EPG5: variants seen among roughly 807,000 people sequenced by gnomAD.
EPG5 encodes the protein ectopic P granules protein 5 homolog.
A neutral mutation model predicts 302.7 loss-of-function variants in EPG5; 159 were observed. The observed-to-expected ratio is 0.53, with a 90% CI of 0.46 to 0.60. The LOEUF is 0.60. EPG5 is among the 20% of genes least tolerant of loss of function. The pLI is 0.00. For synonymous variants in EPG5, 1,158 were observed against 1,136.8 expected, an observed-to-expected ratio of 1.02 and a Z score of -0.37; for missense variants, 2,896 against 3,092.4, an observed-to-expected ratio of 0.94 and a Z score of 1.51.
intron 1 of EPG5, 79 bp downstream of exon 1, chr18:45,967,098 T>C (rs565685403): frequency 1.4e-6 from 2 of 1,418,156 alleles, no homozygotes; most frequent in Non-Finnish European, 1.9e-6. Flanking sequence ...GGGAGTAGAA[T>C]TGGCTGGGGA....
At chr18:45,809,695 T>TC in the EPG5 span, among the ~76,000 whole-genome samples, 590 of 152,184 alleles carry the variant, frequency 3.9e-3, 12 homozygotes, top group South Asian at 0.067. Flanking sequence ...ACACAACCTA[T>TC]CAAAACCTCT....
the EPG5 span, among the ~76,000 whole-genome samples, chr18:45,809,386 C>G: frequency 1.3e-5 from 2 of 152,260 alleles, no homozygotes; most frequent in African/African-American, 4.8e-5. Flanking sequence ...CAGATATATA[C>G]AGAACATTCC....
At chr18:45,855,236 G>A (rs1201028213) in intron 43 of EPG5, 4 of 187,220 alleles carry the variant, frequency 2.1e-5, no homozygotes, top group East Asian at 1.3e-4. Context: ...TCTTCTGTGC[G>A]AGATCCCAGT....
Position 45,879,039 on chromosome 18 carries a change from T to G in EPG5, c.5843A>C (p.Gln1948Pro). 2.5e-6 allele frequency: 4 copies of G among 1,614,186 alleles called. No individual in the cohort carries two copies. Among genetic ancestry groups the G allele is most frequent in the Non-Finnish European group, 3.4e-6 (4 of 1,180,022 alleles). Reference sequence around the variant, plus strand: ...TGTTTTCCTGCTGGCAGTTGGGTCTTGGGCCAAACAGGTCATTTCTAAGTC... The same window carrying G: ...TGTTTTCCTGCTGGCAGTTGGGTCTGGGGCCAAACAGGTCATTTCTAAGTC... ...LIDLEMTCLA[Q>P]DPTASRKTVL... Residue 1948 changes from glutamine to proline, a missense_variant, in exon 33 of 44, where the codon CAA becomes CCA. Gln to Pro is a moderately conservative substitution (Grantham distance 76). Transcript: ENST00000282041.
the EPG5 span, chr18:45,842,329 A>T: frequency 2.6e-6 from 2 of 783,614 alleles, no homozygotes; most frequent in South Asian, 3.4e-5. Flanking sequence ...CAAGGTCAAG[A>T]CCCTGCTCAA....
At position 45,858,745 on chromosome 18, in the gene EPG5, C is replaced by T; in HGVS notation, c.7047G>A (p.Leu2349=). 6.2e-7 allele frequency: 1 copy of T among 1,614,134 alleles called. No individual in the cohort carries two copies. Among genetic ancestry groups the T allele is most frequent in the South Asian group, 1.1e-5 (1 of 91,086 alleles). The change falls in exon 41 of 44, where the codon CTG becomes CTA. Residue 2349 remains leucine, a synonymous_variant. Coordinates refer to ENST00000282041, the MANE Select transcript of EPG5 (RefSeq NM_020964.3). Reference sequence around the variant, plus strand: ...TGAGCTCGGGAACCTGAAGGGATACCAGAATGGGTCCCCATCCTGAATTCT... The same window carrying T: ...TGAGCTCGGGAACCTGAAGGGATACTAGAATGGGTCCCCATCCTGAATTCT... ...LNQNSGWGPI[L]VSLQVPELTM... is the part of the protein sequence containing the mutation.
chr18:45,827,498 T>C, the EPG5 span, among the ~76,000 whole-genome samples: 1 of 152,100 alleles, frequency 6.6e-6, no homozygotes, highest in Non-Finnish European at 1.5e-5. Context: ...AAGTGGTCAA[T>C]GGGAGAGGGG....
Position 45,870,714 on chromosome 18 carries a change from G to A in EPG5, c.6078C>T (p.Ala2026=). ...AATAATGCATCAGGTGCAACCAAAG[G>A]GCTCCTGCATCACCTGGCAACAGCT... ...KDKLLPGDAG[A]LWLHLMHYCE... The change falls in exon 36 of 44, where the codon GCC becomes GCT. Residue 2026 remains alanine, a synonymous_variant. Transcript: ENST00000282041. The A allele has an allele frequency of 6.2e-7, 1 of 1,610,528 alleles. No individual in the cohort carries two copies. Among genetic ancestry groups the A allele is most frequent in the Non-Finnish European group, 8.5e-7 (1 of 1,177,644 alleles).
At position 45,967,244 on chromosome 18, in the gene EPG5, C is replaced by A; in HGVS notation, c.-5G>T. 1 of 1,591,042 alleles carries A rather than the reference C, an allele frequency of 6.3e-7. No homozygotes were observed. Among genetic ancestry groups the A allele is most frequent in the Non-Finnish European group, 8.6e-7 (1 of 1,169,208 alleles). Reference sequence around the variant, plus strand: ...GGGCTTCACCGCCTCGGCCATAGACCCTTCCGCGGCGCCGTCACCGTTTGT... The same window carrying A: ...GGGCTTCACCGCCTCGGCCATAGACACTTCCGCGGCGCCGTCACCGTTTGT... On this transcript the variant is annotated 5_prime_UTR_variant, in exon 1 of 44. Transcript: ENST00000282041.
intron 27 of EPG5, among the ~76,000 whole-genome samples, chr18:45,893,554 A>AT (rs1222406312): frequency 6.6e-6 from 1 of 151,306 alleles, no homozygotes; most frequent in Non-Finnish European, 1.5e-5. Flanking sequence ...CTCTGTCTAA[A>AT]AAAAAAAAAA....
chr18:45,826,837 G>C, the EPG5 span, among the ~76,000 whole-genome samples: 1 of 152,174 alleles, frequency 6.6e-6, no homozygotes, highest in Non-Finnish European at 1.5e-5. Context: ...GCAAACCTCT[G>C]CACAGCTGTC....
intron 27 of EPG5, among the ~76,000 whole-genome samples, chr18:45,895,739 T>C (rs2049456214): frequency 6.6e-6 from 1 of 152,224 alleles, no homozygotes. Context: ...AGGTGGTCAC[T>C]GGACACATCT....
chr18:45,905,301 T>C lies in EPG5; in HGVS notation c.4330-1184A>G, dbSNP rs574625637. ...TGTGGACCGTGATTTTTTTTGGATT[T>C]TAAGTGTTCTAAAGGCCCAAGGATC... On this transcript the variant is annotated intron_variant, in intron 24 of 43. Transcript: ENST00000282041. 2.5e-4 allele frequency among the ~76,000 whole-genome samples: 38 copies of C among 152,286 alleles called. 2 individuals are homozygous for C. The East Asian group carries it at 7.3e-3, about 29-fold the overall frequency.
intron 42 of EPG5, 183 bp downstream of exon 42, chr18:45,857,670 G>C: frequency 1.1e-5 from 6 of 556,768 alleles, no homozygotes; most frequent in Non-Finnish European, 1.9e-5. Flanking sequence ...AAATAAAAAT[G>C]CTTTTTAGAA....
intron 39 of EPG5, 40 bp from the exon 40 acceptor site, chr18:45,860,386 A>G (rs770892250): frequency 6.2e-7 from 1 of 1,613,596 alleles, no homozygotes; most frequent in Admixed American, 1.7e-5. Context: ...GGCTGCCAGA[A>G]AGGTACTATC....
At chr18:45,842,079 G>A in the EPG5 span, 1 of 1,610,938 alleles carries the variant, frequency 6.2e-7, no homozygotes, top group Non-Finnish European at 8.5e-7. Flanking sequence ...CTGTTTGGAT[G>A]ATCATTCAAC....
rs548848395 is a variant in EPG5 at position 45,883,925 on chromosome 18, T to G, written c.5304+692A>C. On this transcript the variant is annotated intron_variant, in intron 30 of 43. Coordinates refer to ENST00000282041, the MANE Select transcript of EPG5 (RefSeq NM_020964.3). ...ATATTAATATAAAATATAATATTAA[T>G]ATAAAATAAAATATTAAAGTTAATA... Among the ~76,000 whole-genome samples the G allele has an allele frequency of 2.7e-5, 4 of 149,488 alleles. No homozygotes were observed. The East Asian group carries it at 7.8e-4, about 29-fold the overall frequency.
chr18:45,880,225 T>C lies in EPG5; in HGVS notation c.5519-2A>G, dbSNP rs1465723582. ...GGCTCAGAAGCTGCTCCGCGGAGCC[T>C]GCCAGCAGGGACAGGAAGAGCAAGT... On this transcript the variant is annotated splice_acceptor_variant, in intron 31 of 43. Transcript: ENST00000282041. LOFTEE classifies it high-confidence loss of function. 6.3e-7 allele frequency: 1 copy of C among 1,586,008 alleles called. No homozygotes were observed. The highest frequency in any genetic ancestry group is 2.3e-5 in the East Asian group (1 of 44,348).
chr18:45,904,706 T>C (rs1163792022), intron 24 of EPG5, among the ~76,000 whole-genome samples: 2 of 151,728 alleles, frequency 1.3e-5, no homozygotes, highest in Non-Finnish European at 2.9e-5. Context: ...AATCACAACA[T>C]GTGGATCCTG....
Sources: allele counts gnomAD v4.1 joint callset (sites outside exome capture counted in the v4.1 genomes callset), GRCh38; gene constraint gnomAD v4.1.1; transcripts MANE v1.5; gene names NCBI Gene and HGNC (gene_info 2026-07-23, HGNC 2026-07-21).